GFRA1: variants seen among roughly 807,000 people sequenced by gnomAD.
GFRA1 encodes GDNF family receptor alpha 1, also known as GDNF family receptor alpha-1.
GFRA1 carries 16 observed loss-of-function variants against 51.6 expected under a neutral mutation model. That is an observed-to-expected ratio of 0.31 (90% CI 0.21 to 0.47). GFRA1 has a LOEUF of 0.47. GFRA1 is among the 20% of genes least tolerant of loss of function. The pLI is 1.00. For missense variants in GFRA1, 530 were observed against 594.3 expected (o/e 0.89, Z 1.13); for synonymous variants, 270 against 241.3 (o/e 1.12, Z -1.10).
At chr10:116,188,626 G>A (rs573521895) in intron 5 of GFRA1, among the ~76,000 whole-genome samples, 22 of 152,212 alleles carry the variant, frequency 1.4e-4, no homozygotes, top group South Asian at 6.2e-4. Flanking sequence ...ATGTTGGGCC[G>A]GGCACGGTGG....
At chr10:116,080,308 A>G (rs1178538647) in intron 9 of GFRA1, among the ~76,000 whole-genome samples, 3 of 152,188 alleles carry the variant, frequency 2.0e-5, no homozygotes, top group East Asian at 3.9e-4. Context: ...TAATTTGCCC[A>G]AAGTTTAATG....
intron 5 of GFRA1, among the ~76,000 whole-genome samples, chr10:116,139,678 G>A (rs1958482091): frequency 6.6e-6 from 1 of 152,224 alleles, no homozygotes; most frequent in Non-Finnish European, 1.5e-5. Flanking sequence ...GAGGGCAAGG[G>A]TGCCCCTTTG....
rs1184405413 is a variant in GFRA1, at chr10:116,267,484, CAAAA to C, written c.418+2015_418+2018del. On this transcript the variant is annotated intron_variant, in intron 4 of 10. Coordinates refer to ENST00000355422, the MANE Select transcript of GFRA1 (RefSeq NM_005264.8). ...CAAGACTTCGTCTCAAACAAACAAA[CAAAA>C]AAAAAAACCATTGCTCATAGAAATT... 2.0e-5 allele frequency among the ~76,000 whole-genome samples: 3 copies of C among 148,242 alleles called. No homozygotes were observed. The South Asian group carries it at 6.5e-4, about 32-fold the overall frequency.
At chr10:116,188,083 T>C (rs558157158) in intron 5 of GFRA1, among the ~76,000 whole-genome samples, 80 of 152,060 alleles carry the variant, frequency 5.3e-4, no homozygotes, top group African/African-American at 1.8e-3. Context: ...TAATACATAC[T>C]GGGACAGAGG....
At chr10:116,066,627 CACA>C (rs1365076153) in intron 9 of GFRA1, among the ~76,000 whole-genome samples, 3 of 152,184 alleles carry the variant, frequency 2.0e-5, no homozygotes, top group Admixed American at 6.5e-5. Context: ...TTCAAGGTCA[CACA>C]ACAATTTACT....
chr10:116,124,883 G>C (rs1389905285), intron 6 of GFRA1, among the ~76,000 whole-genome samples: 1 of 152,122 alleles, frequency 6.6e-6, no homozygotes, highest in African/African-American at 2.4e-5. Context: ...CTCAGGACTT[G>C]AGCAGCAGGT....
intron 9 of GFRA1, among the ~76,000 whole-genome samples, chr10:116,076,786 T>C (rs1338066961): frequency 6.6e-6 from 1 of 152,214 alleles, no homozygotes; most frequent in Non-Finnish European, 1.5e-5. Flanking sequence ...CTCCCTAAGC[T>C]ATGTGATAAC....
At chr10:116,232,256 T>C (rs1387414009) in intron 4 of GFRA1, among the ~76,000 whole-genome samples, 3 of 152,156 alleles carry the variant, frequency 2.0e-5, no homozygotes, top group African/African-American at 7.2e-5. Context: ...AGTGATTTCA[T>C]CCTCCCAAGG....
intron 6 of GFRA1, among the ~76,000 whole-genome samples, chr10:116,101,602 A>G (rs917518217): frequency 1.3e-5 from 2 of 152,220 alleles, no homozygotes; most frequent in African/African-American, 4.8e-5. Flanking sequence ...GTCTTCTGAC[A>G]GTGGGGAGAA....
intron 8 of GFRA1, among the ~76,000 whole-genome samples, chr10:116,093,473 G>A (rs1317982926): frequency 1.3e-5 from 2 of 152,270 alleles, no homozygotes; most frequent in East Asian, 3.9e-4. Context: ...TTCATCACTT[G>A]CTGGGTTCCC....
chr10:116,252,365 G>A (rs538077971), intron 4 of GFRA1, among the ~76,000 whole-genome samples: 8 of 152,236 alleles, frequency 5.3e-5, no homozygotes, highest in African/African-American at 1.9e-4. Flanking sequence ...GGAACTTAAT[G>A]AAGTTACCCT....
intron 4 of GFRA1, among the ~76,000 whole-genome samples, chr10:116,253,306 C>G (rs1016781113): frequency 6.6e-6 from 1 of 152,208 alleles, no homozygotes; most frequent in Non-Finnish European, 1.5e-5. Flanking sequence ...GGGCAGGCAC[C>G]GGACAGAAAC....
At chr10:116,154,793 C>T (rs1959170208) in intron 5 of GFRA1, among the ~76,000 whole-genome samples, 2 of 152,188 alleles carry the variant, frequency 1.3e-5, no homozygotes, top group African/African-American at 4.8e-5. Flanking sequence ...TAGGCTGGCA[C>T]AGAGAGGAAT....
chr10:116,128,730 A>C (rs1957980113), intron 5 of GFRA1, among the ~76,000 whole-genome samples: 1 of 89,484 alleles, frequency 1.1e-5, no homozygotes, highest in Non-Finnish European at 2.5e-5. Context: ...TGTCTCAAAA[A>C]AAAAAAAAAA....
rs931580192 is a variant in GFRA1, at chr10:116,057,905, AAATAAT to A, written c.*6487_*6492del. ...AGAAATGCCTTCAGCTACAGCTAAA[AAATAAT>A]AATAATAAAAAAAAATTCCCGATCA... On this transcript the variant is annotated 3_prime_UTR_variant, in exon 11 of 11. Coordinates refer to ENST00000355422, the MANE Select transcript of GFRA1 (RefSeq NM_005264.8). The A allele has an allele frequency of 6.6e-6, 1 of 151,986 alleles. No individual in the cohort carries two copies. The highest frequency in any genetic ancestry group is 1.5e-5 in the Non-Finnish European group (1 of 68,026). 9.4% of individuals were successfully genotyped at this position (151,986 alleles called of 1,614,324 possible).
chr10:116,079,521 C>T (rs1955760217), intron 9 of GFRA1, among the ~76,000 whole-genome samples: 1 of 152,048 alleles, frequency 6.6e-6, no homozygotes, highest in African/African-American at 2.4e-5. Flanking sequence ...GCACCCTTCG[C>T]TTCGGGCAGT....
chr10:116,265,710 C>T (rs1969603633), intron 4 of GFRA1, among the ~76,000 whole-genome samples: 1 of 152,156 alleles, frequency 6.6e-6, no homozygotes, highest in Non-Finnish European at 1.5e-5. Flanking sequence ...GCCTCTGAGC[C>T]TCTGAGCGCC....
intron 9 of GFRA1, 60 bp from the exon 10 acceptor site, chr10:116,065,686 TC>T: frequency 2.3e-6 from 3 of 1,315,400 alleles, no homozygotes; most frequent in Non-Finnish European, 3.3e-6. Flanking sequence ...TTACTGATGA[TC>T]CATCAGTCAG....
intron 5 of GFRA1, among the ~76,000 whole-genome samples, chr10:116,148,989 T>A (rs997672312): frequency 6.6e-6 from 1 of 152,310 alleles, no homozygotes; most frequent in Middle Eastern, 3.4e-3. Flanking sequence ...AGGACTGTTG[T>A]ACACATTCAG....
Sources: gnomAD v4.1 joint callset for allele counts (sites outside exome capture counted in the v4.1 genomes callset) on GRCh38, gnomAD v4.1.1 for gene constraint, MANE v1.5 for transcripts, NCBI Gene and HGNC (gene_info 2026-07-23, HGNC 2026-07-21) for gene names.